NAA60: variants seen among roughly 807,000 people sequenced by gnomAD.
NAA60 encodes N-alpha-acetyltransferase 60, NatF catalytic subunit.
Under a neutral mutation model 26.1 loss-of-function variants are expected in NAA60, and 8 were observed. The ratio of observed to expected loss-of-function variants is 0.31; its 90% CI spans 0.18 to 0.55. The LOEUF (loss-of-function observed/expected upper bound fraction) is 0.55, where lower values mean the gene tolerates loss of function less well. Ranked by LOEUF, NAA60 falls within the 20% of genes least tolerant of loss-of-function variation. The probability of loss-of-function intolerance (pLI) is 0.93; values close to 1 mark genes in which losing one functional copy is unlikely to be tolerated. For synonymous variants in NAA60, 131 were observed against 122.5 expected (o/e 1.07, Z -0.46); for missense variants, 290 against 311.3 (o/e 0.93, Z 0.51).
chr16:3,468,242 A>G (rs1285558972), intron 2 of NAA60: 3 of 152,256 alleles, frequency 2.0e-5, no homozygotes, highest in African/African-American at 7.2e-5. Flanking sequence ...GGGACCAATC[A>G]GAGGTACTTT....
At chr16:3,483,939 C>G (rs942668649) in intron 6 of NAA60, 5 of 323,348 alleles carry the variant, frequency 1.5e-5, no homozygotes, top group African/African-American at 1.1e-4. Context: ...GTGCACAAAA[C>G]GGACAGGATC....
intron 4 of NAA60, among the ~76,000 whole-genome samples, chr16:3,481,555 G>T (rs898698915): frequency 6.6e-6 from 1 of 152,100 alleles, no homozygotes; most frequent in African/African-American, 2.4e-5. Context: ...GTGTTCCCTC[G>T]AGGCCGACAT....
At chr16:3,480,432 A>G (rs2151014578) in intron 4 of NAA60, among the ~76,000 whole-genome samples, 1 of 152,022 alleles carries the variant, frequency 6.6e-6, no homozygotes, top group African/African-American at 2.4e-5. Context: ...CCCCATCTCT[A>G]CTAAAAATAC....
chr16:3,449,231 C>T lies in NAA60; in HGVS notation c.-7+691C>T, dbSNP rs145421533. Reference sequence around the variant, plus strand: ...CTACTAAAAAATACAAAAATGTAGCCGGGTGTGCTGGGCGTGGTGGCTCAC... The same window carrying T: ...CTACTAAAAAATACAAAAATGTAGCTGGGTGTGCTGGGCGTGGTGGCTCAC... On this transcript the variant is annotated intron_variant, in intron 2 of 7. Transcript: ENST00000407558. 1.4e-3 allele frequency among the ~76,000 whole-genome samples: 220 copies of T among 152,040 alleles called. 1 individual carries two copies. The highest frequency in any genetic ancestry group is 4.8e-3 in the African/African-American group (199 of 41,474).
At chr16:3,484,512 T>A in intron 6 of NAA60, 187 bp from the exon 7 acceptor site, 1 of 716,370 alleles carries the variant, frequency 1.4e-6, no homozygotes, top group South Asian at 1.9e-5. Context: ...CTCTGTTGTT[T>A]TGCACAGCAG....
intron 1 of NAA60, chr16:3,447,730 A>G: frequency 1.5e-6 from 1 of 684,074 alleles, no homozygotes; most frequent in Non-Finnish European, 1.8e-6. Flanking sequence ...CCAGTCTTAT[A>G]AGGGGACAAT....
intron 1 of NAA60, among the ~76,000 whole-genome samples, chr16:3,444,255 G>C (rs577156404): frequency 6.6e-6 from 1 of 152,128 alleles, no homozygotes; most frequent in South Asian, 2.1e-4. Flanking sequence ...CCTGGTGTAG[G>C]CATTTGGAAT....
intron 1 of NAA60, 82 bp downstream of exon 1, chr16:3,443,919 C>G: frequency 6.8e-7 from 1 of 1,462,496 alleles, no homozygotes; most frequent in East Asian, 2.6e-5. Flanking sequence ...GGGGTTCGGG[C>G]CTAGCCTGGG....
rs748381876 is a variant in NAA60 at position 3,484,721 on chromosome 16, T to C, written c.595T>C (p.Ser199Pro). Residue 199 changes from serine (S) to proline (P), a missense_variant, in exon 7 of 8, where the codon TCT (serine) becomes CCT (proline). Physicochemically the swap from Ser to Pro is moderately conservative, Grantham distance 74. Coordinates refer to ENST00000407558, the MANE Select transcript of NAA60 (RefSeq NM_001083601.3). ...CACGGACTACATCCAGCACCTGGGC[T>C]CTGCACTAGCCAGCCTGAGCCCCTG... The part of the protein sequence containing the change: ...TILDYIQHLG[S>P]ALASLSPCSI... 4 of 1,595,168 alleles carry C rather than the reference T, an allele frequency of 2.5e-6. No homozygotes were observed. In the East Asian group the frequency reaches 9.2e-5, roughly 37 times the overall value.
Position 3,476,254 on chromosome 16 carries a change from G to C in NAA60, c.27G>C (p.Ala9=), listed in dbSNP as rs765916604. 1.2e-6 allele frequency: 2 copies of C among 1,612,686 alleles called. No homozygotes were observed. Among genetic ancestry groups the C allele is most frequent in the Non-Finnish European group, 1.7e-6 (2 of 1,179,190 alleles). The change falls in exon 3 of 8, where the codon GCG becomes GCC. Residue 9 remains alanine (A), a synonymous_variant. Coordinates refer to ENST00000407558, the MANE Select transcript of NAA60 (RefSeq NM_001083601.3). ...TGACAGAGGTGGTGCCATCCAGCGC[G>C]CTCAGCGAGGTCAGCCTGCGCCTCC... is the stretch of plus-strand genomic sequence containing the variant. MTEVVPSS[A]LSEVSLRLLC...
intron 2 of NAA60, among the ~76,000 whole-genome samples, chr16:3,466,129 C>G (rs1461472101): frequency 6.6e-6 from 1 of 152,244 alleles, no homozygotes; most frequent in Non-Finnish European, 1.5e-5. Flanking sequence ...CTTCTCAGCT[C>G]CGCCTTCACC....
chr16:3,458,454 G>T (rs1354003786), intron 2 of NAA60, among the ~76,000 whole-genome samples: 5 of 152,140 alleles, frequency 3.3e-5, no homozygotes. Context: ...CCTTCTGCCT[G>T]GGGGTTGCGT....
intron 4 of NAA60, among the ~76,000 whole-genome samples, chr16:3,481,588 C>G (rs1228365064): frequency 6.6e-6 from 1 of 152,192 alleles, no homozygotes; most frequent in Non-Finnish European, 1.5e-5. Context: ...GCTCATGTTC[C>G]CGGCTCTCAG....
chr16:3,471,700 C>G (rs568770386), intron 2 of NAA60, among the ~76,000 whole-genome samples: 11 of 152,184 alleles, frequency 7.2e-5, no homozygotes, highest in South Asian at 4.2e-4. Context: ...CCTGCCCTCT[C>G]CGGTGAGAGC....
At chr16:3,465,625 C>G (rs559609268) in intron 2 of NAA60, among the ~76,000 whole-genome samples, 26 of 152,262 alleles carry the variant, frequency 1.7e-4, no homozygotes, top group South Asian at 4.1e-4. Flanking sequence ...GGTGCAGTTT[C>G]GAGGAGGATG....
chr16:3,460,118 A>G (rs2035284429), intron 2 of NAA60, among the ~76,000 whole-genome samples: 1 of 152,224 alleles, frequency 6.6e-6, no homozygotes, highest in East Asian at 1.9e-4. Flanking sequence ...AGATAGATGC[A>G]GAGAAGAGGC....
At chr16:3,476,402 G>A (rs528707962) in intron 3 of NAA60, 65 bp downstream of exon 3, 82 of 1,356,748 alleles carry the variant, frequency 6.0e-5, no homozygotes, top group Non-Finnish European at 7.4e-5. Flanking sequence ...GCTGGGCGGC[G>A]GGGGTGGGGG....
chr16:3,475,140 A>T (rs8044446), intron 2 of NAA60, among the ~76,000 whole-genome samples: 3,573 of 143,254 alleles, frequency 0.025, 144 homozygotes, highest in African/African-American at 0.088. Flanking sequence ...CCCAGGCTGG[A>T]GTGCAGTGGC....
rs1249117916 is a variant in NAA60, at chr16:3,479,593, A to C, written c.233A>C (p.His78Pro). Reference protein sequence around the residue: ...VAEIKNRTKIHKEDGDILASN... With the variant: ...VAEIKNRTKIPKEDGDILASN... ...GAAATTAAGAACAGGACCAAAATAC[A>C]TAAAGAGGTACGTACGTGTGTGCAG... Residue 78 changes from histidine (H) to proline (P), a missense_variant, in exon 4 of 8, where the codon CAT becomes CCT. Transcript: ENST00000407558. 1 of 1,614,020 alleles carries C rather than the reference A, an allele frequency of 6.2e-7. No individual in the cohort carries two copies. The highest frequency in any genetic ancestry group is 1.7e-5 in the Admixed American group (1 of 60,026).
Sources: gnomAD v4.1 joint callset for allele counts (sites outside exome capture counted in the v4.1 genomes callset) on GRCh38, gnomAD v4.1.1 for gene constraint, MANE v1.5 for transcripts, NCBI Gene and HGNC (gene_info 2026-07-23, HGNC 2026-07-21) for gene names.